Variants in SDK1 observed in about 807,000 individuals in gnomAD.
SDK1 encodes sidekick cell adhesion molecule 1, also known as protein sidekick-1.
SDK1 carries 157 observed loss-of-function variants against 245.5 expected under a neutral mutation model. The observed-to-expected ratio is 0.64, with a 90% CI of 0.56 to 0.73. The LOEUF is 0.73. SDK1 is among the 30% of genes least tolerant of loss of function. The pLI is 0.00. For missense variants in SDK1, 3,583 were observed against 3,002.3 expected, an observed-to-expected ratio of 1.19 and a Z score of -4.52; for synonymous variants, 1,647 against 1,278.5, an observed-to-expected ratio of 1.29 and a Z score of -6.15.
At chr7:3,774,017 A>C (rs1006885720) in intron 4 of SDK1, among the ~76,000 whole-genome samples, 1 of 152,072 alleles carries the variant, frequency 6.6e-6, no homozygotes, top group African/African-American at 2.4e-5. Context: ...GATCGAGATC[A>C]TCCTGGCTAA....
intron 4 of SDK1, among the ~76,000 whole-genome samples, chr7:3,783,688 T>C (rs1216964935): frequency 6.6e-6 from 1 of 152,016 alleles, no homozygotes; most frequent in African/African-American, 2.4e-5. Flanking sequence ...AACTAGAAAA[T>C]GTTGATAAAA....
chr7:3,368,177 C>T (rs1469946210), intron 1 of SDK1, among the ~76,000 whole-genome samples: 1 of 152,080 alleles, frequency 6.6e-6, no homozygotes, highest in Non-Finnish European at 1.5e-5. Flanking sequence ...AAACCAATAA[C>T]GTGTAAAATT....
rs565569443 is a variant in SDK1, at chr7:4,173,570, C to T, written c.4801-652C>T. ...GGGAGTCTAATGTGTGTCTAATGAG[C>T]GCCTAGCCATGGCTTGGTAAGAACT... is the stretch of plus-strand genomic sequence containing the variant. On this transcript the variant is annotated intron_variant, in intron 32 of 44. Transcript: ENST00000404826. Among the ~76,000 whole-genome samples the T allele has an allele frequency of 5.3e-5, 8 of 152,304 alleles. No individual in the cohort carries two copies. In the East Asian group the frequency reaches 1.2e-3, roughly 22 times the overall value.
At chr7:3,357,334 T>G (rs1244721676) in intron 1 of SDK1, among the ~76,000 whole-genome samples, 1 of 14,186 alleles carries the variant, frequency 7.0e-5, no homozygotes, top group Admixed American at 6.8e-4. Context: ...TAGTGTTTTT[T>G]TTTTTTTTTT....
At chr7:3,621,001 A>G (rs180874937) in intron 2 of SDK1, among the ~76,000 whole-genome samples, 1 of 152,086 alleles carries the variant, frequency 6.6e-6, no homozygotes, top group Non-Finnish European at 1.5e-5. Context: ...CACCTGAGCA[A>G]TGGTGTTATA....
chr7:3,540,811 T>C (rs1779033202), intron 1 of SDK1, among the ~76,000 whole-genome samples: 2 of 152,194 alleles, frequency 1.3e-5, no homozygotes, highest in Non-Finnish European at 2.9e-5. Flanking sequence ...CATTCGTATA[T>C]CTATAATAAA....
intron 40 of SDK1, among the ~76,000 whole-genome samples, chr7:4,222,817 T>C (rs1436974947): frequency 6.6e-6 from 1 of 152,138 alleles, no homozygotes; most frequent in Non-Finnish European, 1.5e-5. Flanking sequence ...TCACTGCCTG[T>C]GAAAGCCCAT....
At chr7:4,086,116 G>C (rs1781412237) in intron 22 of SDK1, among the ~76,000 whole-genome samples, 1 of 152,032 alleles carries the variant, frequency 6.6e-6, no homozygotes, top group African/African-American at 2.4e-5. Flanking sequence ...ACGGAAGGTG[G>C]CATATTGCGC....
intron 25 of SDK1, among the ~76,000 whole-genome samples, chr7:4,118,503 G>C (rs923704518): frequency 1.3e-5 from 2 of 152,220 alleles, no homozygotes; most frequent in African/African-American, 2.4e-5. Context: ...ATTCAGAAAC[G>C]TTGGAAAACA....
intron 1 of SDK1, among the ~76,000 whole-genome samples, chr7:3,494,935 C>A (rs949582740): frequency 6.6e-6 from 1 of 152,218 alleles, no homozygotes; most frequent in Admixed American, 6.5e-5. Context: ...CATGACCTCC[C>A]TCTTGAGTTA....
intron 35 of SDK1, among the ~76,000 whole-genome samples, chr7:4,204,506 C>T (rs28629320): frequency 0.33 from 49,124 of 150,338 alleles, 8,745 homozygotes; most frequent in African/African-American, 0.47. Flanking sequence ...TTATTCTGCG[C>T]TGGGGGGAGA....
chr7:3,793,068 G>C (rs41885), intron 4 of SDK1, among the ~76,000 whole-genome samples: 13,843 of 152,148 alleles, frequency 0.091, 1,965 homozygotes, highest in African/African-American at 0.31. Context: ...TTAGATCCTA[G>C]AAATGGGACA....
chr7:3,684,587 C>T (rs1784218300), intron 4 of SDK1, among the ~76,000 whole-genome samples: 1 of 152,174 alleles, frequency 6.6e-6, no homozygotes, highest in Admixed American at 6.5e-5. Flanking sequence ...TGGGATATAC[C>T]TGAAGACCAT....
At chr7:3,829,002 A>G (rs1779850146) in intron 5 of SDK1, among the ~76,000 whole-genome samples, 1 of 152,086 alleles carries the variant, frequency 6.6e-6, no homozygotes, top group Non-Finnish European at 1.5e-5. Context: ...CTGTGATATG[A>G]TTAATACAAT....
At chr7:3,984,223 A>G (rs956061581) in intron 13 of SDK1, among the ~76,000 whole-genome samples, 26 of 152,184 alleles carry the variant, frequency 1.7e-4, no homozygotes, top group African/African-American at 6.0e-4. Flanking sequence ...ATGTGTGAGC[A>G]TATTCCAGGG....
intron 22 of SDK1, among the ~76,000 whole-genome samples, chr7:4,087,938 A>T (rs1356728262): frequency 6.6e-6 from 1 of 152,204 alleles, no homozygotes; most frequent in Admixed American, 6.5e-5. Context: ...GCATAGGGGA[A>T]CACAATTGAT....
intron 1 of SDK1, among the ~76,000 whole-genome samples, chr7:3,542,850 T>C (rs1000328446): frequency 2.0e-5 from 3 of 152,168 alleles, no homozygotes; most frequent in Non-Finnish European, 4.4e-5. Flanking sequence ...CAAAGACTTC[T>C]AAGAAGGAAA....
At chr7:4,089,295 G>A (rs1781634827) in intron 22 of SDK1, among the ~76,000 whole-genome samples, 1 of 152,256 alleles carries the variant, frequency 6.6e-6, no homozygotes, top group Non-Finnish European at 1.5e-5. Context: ...CGTTGTGGGT[G>A]TGGAGGCGCC....
chr7:3,305,296 T>C (rs1253655577), intron 1 of SDK1, among the ~76,000 whole-genome samples: 1 of 152,236 alleles, frequency 6.6e-6, no homozygotes, highest in Non-Finnish European at 1.5e-5. Context: ...ATTTAAAAAC[T>C]CCTCAAGTGA....
Sources: gnomAD v4.1 joint callset for allele counts (sites outside exome capture counted in the v4.1 genomes callset) on GRCh38, gnomAD v4.1.1 for gene constraint, MANE v1.5 for transcripts, NCBI Gene and HGNC (gene_info 2026-07-23, HGNC 2026-07-21) for gene names.